ANK3: variants seen among roughly 807,000 people sequenced by gnomAD.
ANK3 encodes the protein ankyrin 3.
In ANK3, 57 loss-of-function variants were observed where a neutral mutation model predicts 370.9. The observed-to-expected ratio is 0.15, with a 90% CI of 0.12 to 0.19. ANK3 has a LOEUF of 0.19. Among genes scored for constraint, ANK3 ranks in the 10% least tolerant of loss-of-function variants. The pLI is 1.00. For missense variants in ANK3, 4,439 were observed against 5,302.1 expected, an observed-to-expected ratio of 0.84 and a Z score of 5.06; for synonymous variants, 1,929 against 1,946.3, an observed-to-expected ratio of 0.99 and a Z score of 0.23.
At chr10:60,032,334 G>A (rs1263311211) in intron 43 of ANK3, among the ~76,000 whole-genome samples, 1 of 151,116 alleles carries the variant, frequency 6.6e-6, no homozygotes, top group Non-Finnish European at 1.5e-5. Flanking sequence ...AGTCTCCCGA[G>A]TAGCTGGGAT....
chr10:60,661,901 C>A (rs2078940250), intron 1 of ANK3, among the ~76,000 whole-genome samples: 1 of 152,122 alleles, frequency 6.6e-6, no homozygotes, highest in South Asian at 2.1e-4. Flanking sequence ...CACTAGTATG[C>A]ACTTTCATCC....
chr10:60,108,062 T>TA (rs2092374165), intron 27 of ANK3: 56 of 262,672 alleles, frequency 2.1e-4, no homozygotes, highest in South Asian at 4.9e-4. Context: ...CTGAAAGCAT[T>TA]AAAAAAAACT....
At chr10:60,052,767 T>C (rs569368803) in intron 42 of ANK3, among the ~76,000 whole-genome samples, 1 of 152,166 alleles carries the variant, frequency 6.6e-6, no homozygotes, top group Admixed American at 6.5e-5. Context: ...ATTCATTACC[T>C]CAAATCTAAT....
At chr10:60,279,243 C>A (rs2098129889) in intron 2 of ANK3, 95 bp from the exon 3 acceptor site, 1 of 1,046,148 alleles carries the variant, frequency 9.6e-7, no homozygotes, top group Admixed American at 1.8e-5. Flanking sequence ...AAAGTCCCAC[C>A]TGATGATCAC....
chr10:60,249,607 CA>C (rs2097613975), intron 7 of ANK3, among the ~76,000 whole-genome samples: 1 of 152,124 alleles, frequency 6.6e-6, no homozygotes, highest in Non-Finnish European at 1.5e-5. Context: ...TCAAACATGT[CA>C]AGAAATGAAA....
At chr10:60,179,670 G>C (rs1033815285) in intron 18 of ANK3, among the ~76,000 whole-genome samples, 2 of 146,980 alleles carry the variant, frequency 1.4e-5, no homozygotes, top group Non-Finnish European at 3.0e-5. Flanking sequence ...GACAGAGTGA[G>C]ACTCCCTCTT....
chr10:60,293,140 C>T (rs2041808758), intron 1 of ANK3, among the ~76,000 whole-genome samples: 1 of 152,250 alleles, frequency 6.6e-6, no homozygotes, highest in South Asian at 2.1e-4. Context: ...GCGAGCCAAG[C>T]TGCCTAGGAA....
intron 2 of ANK3, among the ~76,000 whole-genome samples, chr10:60,480,023 C>T (rs572038455): frequency 6.6e-6 from 1 of 152,160 alleles, no homozygotes; most frequent in Non-Finnish European, 1.5e-5. Context: ...CTGGCGGGCA[C>T]TGCCTTGGTG....
chr10:60,204,803 T>C (rs894158905), intron 11 of ANK3, among the ~76,000 whole-genome samples: 2 of 152,010 alleles, frequency 1.3e-5, no homozygotes, highest in African/African-American at 2.4e-5. Flanking sequence ...AGGGCTTTGA[T>C]GGAAATATGC....
chr10:60,651,544 G>A (rs779869304), intron 1 of ANK3, among the ~76,000 whole-genome samples: 8 of 152,176 alleles, frequency 5.3e-5, no homozygotes, highest in Non-Finnish European at 7.3e-5. Flanking sequence ...ATAACATTGT[G>A]AATTAACATG....
intron 43 of ANK3, among the ~76,000 whole-genome samples, chr10:60,041,616 C>T (rs1317731482): frequency 6.6e-6 from 1 of 152,204 alleles, no homozygotes; most frequent in East Asian, 1.9e-4. Flanking sequence ...GTGTAGTAAA[C>T]ATTCTTTCCA....
chr10:60,492,472 C>T (rs912631604), intron 2 of ANK3, among the ~76,000 whole-genome samples: 1 of 151,912 alleles, frequency 6.6e-6, no homozygotes, highest in African/African-American at 2.4e-5. Context: ...CTTTGGGAGG[C>T]TGAGGTGGGT....
At position 60,196,614 on chromosome 10, in the gene ANK3, A is replaced by T; in HGVS notation, c.1701T>A (p.Thr567=). Residue 567 remains threonine, a synonymous_variant, in exon 15 of 44, where the codon ACT becomes ACA. Transcript: ENST00000280772. The part of the protein sequence containing the change: ...SLSITTKKGF[T]PLHVAAKYGK... ...CATATTTTGCTGCCACATGAAGAGG[A>T]GTAAATCCTTTCTGAAAAAAAAAAA... 1 of 1,577,964 alleles carries T rather than the reference A, an allele frequency of 6.3e-7. No homozygotes were observed. The highest frequency in any genetic ancestry group is 8.6e-7 in the Non-Finnish European group (1 of 1,157,284).
At chr10:60,633,801 C>A (rs2078516339) in intron 1 of ANK3, among the ~76,000 whole-genome samples, 1 of 152,192 alleles carries the variant, frequency 6.6e-6, no homozygotes, top group Non-Finnish European at 1.5e-5. Context: ...CCACCTGAAG[C>A]ATCCATATTG....
chr10:60,535,228 A>G (rs1174195826), intron 2 of ANK3, among the ~76,000 whole-genome samples: 1 of 152,138 alleles, frequency 6.6e-6, no homozygotes, highest in Non-Finnish European at 1.5e-5. Flanking sequence ...GTCACTCAGT[A>G]TCAGTGGGCT....
intron 2 of ANK3, among the ~76,000 whole-genome samples, chr10:60,436,820 TA>T (rs1406685322): frequency 1.7e-4 from 26 of 152,268 alleles, no homozygotes. Flanking sequence ...AAGTATAATC[TA>T]TTTTTTTCTC....
intron 8 of ANK3, among the ~76,000 whole-genome samples, chr10:60,219,985 T>G (rs1014936950): frequency 6.6e-6 from 1 of 152,186 alleles, no homozygotes; most frequent in African/African-American, 2.4e-5. Flanking sequence ...TTTAAAACAT[T>G]TGCTTTTATA....
intron 1 of ANK3, among the ~76,000 whole-genome samples, chr10:60,705,945 C>G (rs1338989635): frequency 2.0e-5 from 3 of 151,764 alleles, no homozygotes; most frequent in African/African-American, 7.3e-5. Flanking sequence ...ACCTCAGCCT[C>G]CTGGGTAGCT....
chr10:60,213,406 A>C lies in ANK3; in HGVS notation c.996+6T>G. On this transcript the variant is annotated splice_donor_region_variant and intron_variant, in intron 9 of 43. Coordinates refer to ENST00000280772, the MANE Select transcript of ANK3 (RefSeq NM_020987.5). ...TCCAATGTCCAGAAACCTGAAAAGAAATTACCTTGGTTTTTGAAAGAATGG... is the reference window on the plus strand; with the variant it reads ...TCCAATGTCCAGAAACCTGAAAAGACATTACCTTGGTTTTTGAAAGAATGG... 1 of 1,606,388 alleles carries C rather than the reference A, an allele frequency of 6.2e-7. No homozygotes were observed. Among genetic ancestry groups the C allele is most frequent in the Middle Eastern group, 1.7e-4 (1 of 6,036 alleles).
Sources: allele counts gnomAD v4.1 joint callset (sites outside exome capture counted in the v4.1 genomes callset), GRCh38; gene constraint gnomAD v4.1.1; transcripts MANE v1.5; gene names NCBI Gene and HGNC (gene_info 2026-07-23, HGNC 2026-07-21).